The following TRIM2 variants were observed in gnomAD, a reference collection of about 807,000 sequenced individuals.
TRIM2 encodes tripartite motif-containing protein 2.
A neutral mutation model predicts 75.2 loss-of-function variants in TRIM2; 20 were observed. That is an observed-to-expected ratio of 0.27 (90% CI 0.19 to 0.39). The LOEUF (loss-of-function observed/expected upper bound fraction) is 0.39, where lower values mean the gene tolerates loss of function less well. Among genes scored for constraint, TRIM2 ranks in the 10% least tolerant of loss-of-function variants. The pLI is 1.00. For missense variants in TRIM2, 660 were observed against 990.8 expected (o/e 0.67, Z 4.48); for synonymous variants, 373 against 388.3 (o/e 0.96, Z 0.46).
At chr4:153,246,517 G>A (rs1749190612) in intron 1 of TRIM2, among the ~76,000 whole-genome samples, 1 of 152,200 alleles carries the variant, frequency 6.6e-6, no homozygotes, top group Admixed American at 6.5e-5. Flanking sequence ...TTTATTATTT[G>A]AGATTTAGTA....
chr4:153,181,020 A>T (rs1182667606), intron 1 of TRIM2, among the ~76,000 whole-genome samples: 1 of 152,214 alleles, frequency 6.6e-6, no homozygotes, highest in East Asian at 1.9e-4. Flanking sequence ...CCCACCTTGC[A>T]TATAGAAAAG....
At chr4:153,204,882 G>A (rs560354126) in intron 1 of TRIM2, among the ~76,000 whole-genome samples, 1 of 152,168 alleles carries the variant, frequency 6.6e-6, no homozygotes, top group Non-Finnish European at 1.5e-5. Context: ...TCCTAACATA[G>A]GTAGTCACAG....
intron 1 of TRIM2, among the ~76,000 whole-genome samples, chr4:153,155,332 T>A (rs928777505): frequency 2.6e-5 from 4 of 152,198 alleles, no homozygotes; most frequent in African/African-American, 4.8e-5. Flanking sequence ...AATAAATACT[T>A]CTACTGAATT....
At chr4:153,213,193 G>C (rs574250858) in intron 1 of TRIM2, among the ~76,000 whole-genome samples, 2 of 152,300 alleles carry the variant, frequency 1.3e-5, no homozygotes, top group Admixed American at 6.5e-5. Flanking sequence ...TCAGATTGTT[G>C]AGAAAATTGT....
At chr4:153,262,289 A>G (rs1363672833) in intron 1 of TRIM2, among the ~76,000 whole-genome samples, 2 of 152,096 alleles carry the variant, frequency 1.3e-5, no homozygotes, top group Non-Finnish European at 2.9e-5. Flanking sequence ...AGGGTTTTTC[A>G]AGGGTAGTTT....
chr4:153,229,901 A>T (rs1743157126), intron 1 of TRIM2, among the ~76,000 whole-genome samples: 1 of 152,196 alleles, frequency 6.6e-6, no homozygotes, highest in Non-Finnish European at 1.5e-5. Flanking sequence ...AGTCCCTTGG[A>T]TAAATGCATT....
chr4:153,267,449 G>A (rs565878227), intron 1 of TRIM2, among the ~76,000 whole-genome samples: 55 of 151,948 alleles, frequency 3.6e-4, no homozygotes, highest in Admixed American at 9.8e-4. Flanking sequence ...TCAGGAGATC[G>A]AGACCATCCT....
chr4:153,253,435 T>A lies in TRIM2; in HGVS notation c.31-16900T>A, dbSNP rs114855160. ...CATAGTGCCCCTTCACATTTCCAAA[T>A]GCACACCCTACTACCCCATGGGAGG... On this transcript the variant is annotated intron_variant, in intron 1 of 11. Transcript: ENST00000338700. 7.5e-3 allele frequency among the ~76,000 whole-genome samples: 1,139 copies of A among 152,190 alleles called. 21 individuals carry two copies. The highest frequency in any genetic ancestry group is 0.026 in the African/African-American group (1,090 of 41,512).
rs1180317213 is a variant in TRIM2, at chr4:153,257,772, T to C, written c.31-12563T>C. 9.0e-6 allele frequency: 4 copies of C among 443,368 alleles called. No homozygotes were observed. In the East Asian group the frequency reaches 2.8e-4, roughly 31 times the overall value. The allele number at this position is 443,368 out of a possible 1,614,324, so 27.5% of individuals were successfully genotyped here. A position where few individuals can be genotyped will look rare whatever the true frequency, so the allele number is the denominator to read the frequency against. On this transcript the variant is annotated intron_variant, in intron 1 of 11. Coordinates refer to ENST00000338700, the MANE Select transcript of TRIM2 (RefSeq NM_015271.5). ...CTGTTTGTCTTCAGAAATGGGTAGG[T>C]CCTAAATGTTCAGACTGCTTAGTAT... is the stretch of plus-strand genomic sequence containing the variant.
At chr4:153,259,187 A>C (rs544439857) in intron 1 of TRIM2, among the ~76,000 whole-genome samples, 1 of 152,372 alleles carries the variant, frequency 6.6e-6, no homozygotes, top group Non-Finnish European at 1.5e-5. Context: ...AAAGAAGACT[A>C]AAATCTATAC....
At chr4:153,210,134 G>A (rs939580771) in intron 1 of TRIM2, among the ~76,000 whole-genome samples, 1 of 145,322 alleles carries the variant, frequency 6.9e-6, no homozygotes. Flanking sequence ...GCGAGATCTC[G>A]GCTCACTGCA....
intron 1 of TRIM2, among the ~76,000 whole-genome samples, chr4:153,195,001 T>C (rs999578311): frequency 6.6e-6 from 1 of 152,208 alleles, no homozygotes; most frequent in African/African-American, 2.4e-5. Flanking sequence ...AAATGTGACC[T>C]TATTTAGAAT....
At position 153,244,397 on chromosome 4, in the gene TRIM2, TTCTTCTTCTTCTTCTTC is replaced by T. The variant is rs1560874965; in HGVS notation, c.31-25936_31-25920del. ...CTTCTTCTTCTTCTTCTTCTTCTTC[TTCTTCTTCTTCTTCTTC>T]TTCTTCTTCTTCTTCTTCTTCTTTT... On this transcript the variant is annotated intron_variant, in intron 1 of 11. Transcript: ENST00000338700. 6.0e-4 allele frequency among the ~76,000 whole-genome samples: 47 copies of T among 77,736 alleles called. 10 individuals are homozygous for T. The highest frequency in any genetic ancestry group is 3.9e-3 in the African/African-American group (45 of 11,566). 51.0% of individuals were successfully genotyped at this position (77,736 alleles called of 152,430 possible).
chr4:153,296,054 G>A lies in TRIM2; in HGVS notation c.1510+18G>A. On this transcript the variant is annotated intron_variant, in intron 6 of 11. Coordinates refer to ENST00000338700, the MANE Select transcript of TRIM2 (RefSeq NM_015271.5). ...TCGAGTGGGTAAGGAGAGGGCTTCT[G>A]TGCCCGACGCCTGAGCTGGCACTGG... 2.0e-6 allele frequency: 3 copies of A among 1,513,828 alleles called. No homozygotes were observed. The highest frequency in any genetic ancestry group is 2.6e-6 in the Non-Finnish European group (3 of 1,132,996). 93.8% of individuals were successfully genotyped at this position (1,513,828 alleles called of 1,614,324 possible).
At chr4:153,201,010 C>A (rs934174246), upstream of TRIM2, among the ~76,000 whole-genome samples, 11 of 151,916 alleles carry the variant, frequency 7.2e-5, no homozygotes, top group Non-Finnish European at 1.6e-4. Flanking sequence ...GTTGCCCAGG[C>A]TGGAGTGCAG....
chr4:153,200,711 A>G (rs1734244193), upstream of TRIM2, among the ~76,000 whole-genome samples: 1 of 112,108 alleles, frequency 8.9e-6, no homozygotes, highest in Admixed American at 8.4e-5. Context: ...CTTCCTTTTT[A>G]GTAAGAAAAA....
rs372478212 is a variant in TRIM2, at chr4:153,293,845, C to G, written c.606-460C>G. On this transcript the variant is annotated intron_variant, in intron 4 of 11. Transcript: ENST00000338700. ...GATACAGCTATCTAGAATAGTGGTTCTCAGCCATTCGGCAATGCCTGGAGA... is the reference window on the plus strand; with the variant it reads ...GATACAGCTATCTAGAATAGTGGTTGTCAGCCATTCGGCAATGCCTGGAGA... Among the ~76,000 whole-genome samples, 4 of 152,142 alleles carry G rather than the reference C, an allele frequency of 2.6e-5. No individual in the cohort carries two copies. The East Asian group carries it at 5.8e-4, about 22-fold the overall frequency.
chr4:153,261,292 G>C (rs1327383985), intron 1 of TRIM2, among the ~76,000 whole-genome samples: 2 of 152,124 alleles, frequency 1.3e-5, no homozygotes, highest in African/African-American at 4.8e-5. Flanking sequence ...TTGTGGTGGG[G>C]TACACCTGTA....
At chr4:153,328,276 A>C (rs1327134268) in intron 10 of TRIM2, among the ~76,000 whole-genome samples, 4 of 152,250 alleles carry the variant, frequency 2.6e-5, no homozygotes, top group Non-Finnish European at 5.9e-5. Context: ...GGTATCATTC[A>C]CATAAGGATT....
Sources: allele counts gnomAD v4.1 joint callset (sites outside exome capture counted in the v4.1 genomes callset), GRCh38; gene constraint gnomAD v4.1.1; transcripts MANE v1.5; gene names NCBI Gene and HGNC (gene_info 2026-07-23, HGNC 2026-07-21).